Variants in SLC24A2 observed in about 807,000 individuals in gnomAD.
The protein encoded by SLC24A2 is solute carrier family 24 member 2, also known as sodium/potassium/calcium exchanger 2.
SLC24A2 carries 36 observed loss-of-function variants against 62.0 expected under a neutral mutation model. That is an observed-to-expected ratio of 0.58 (90% CI 0.44 to 0.77). The LOEUF (loss-of-function observed/expected upper bound fraction) is 0.77. SLC24A2 is among the 30% of genes least tolerant of loss of function. SLC24A2 has a pLI of 0.00. For synonymous variants in SLC24A2, 358 were observed against 294.0 expected (o/e 1.22, Z -2.23); for missense variants, 846 against 817.9 (o/e 1.03, Z -0.42).
chr9:19,880,220 GA>G, the SLC24A2 span, among the ~76,000 whole-genome samples: 1 of 152,150 alleles, frequency 6.6e-6, no homozygotes, highest in Non-Finnish European at 1.5e-5. Flanking sequence ...TCTTAGCCTG[GA>G]CACAGCATTC....
the SLC24A2 span, among the ~76,000 whole-genome samples, chr9:20,235,043 T>G: frequency 6.6e-6 from 1 of 152,338 alleles, no homozygotes; most frequent in African/African-American, 2.4e-5. Flanking sequence ...GAACAGCAGA[T>G]TTTGGTGAAA....
intron 2 of SLC24A2, among the ~76,000 whole-genome samples, chr9:19,780,330 C>T (rs1023044090): frequency 3.7e-4 from 56 of 150,626 alleles, no homozygotes; most frequent in African/African-American, 1.2e-3. Flanking sequence ...TGCAGTGGCA[C>T]GATCTTGGCT....
chr9:19,748,892 T>G (rs904739887), intron 2 of SLC24A2, among the ~76,000 whole-genome samples: 1 of 151,752 alleles, frequency 6.6e-6, no homozygotes, highest in African/African-American at 2.4e-5. Context: ...GGAAGTTGGT[T>G]TGTGTTAAAT....
At chr9:19,627,244 G>A (rs1413647872) in intron 2 of SLC24A2, among the ~76,000 whole-genome samples, 1 of 152,068 alleles carries the variant, frequency 6.6e-6, no homozygotes, top group Non-Finnish European at 1.5e-5. Flanking sequence ...TAAGAAGTGC[G>A]GTAATGAAAG....
At chr9:19,754,470 T>C (rs147317930) in intron 2 of SLC24A2, among the ~76,000 whole-genome samples, 59 of 152,264 alleles carry the variant, frequency 3.9e-4, no homozygotes, top group African/African-American at 1.3e-3. Flanking sequence ...CCACTTTCCT[T>C]CTAGCATGCC....
At chr9:20,140,286 G>A in the SLC24A2 span, among the ~76,000 whole-genome samples, 2 of 152,208 alleles carry the variant, frequency 1.3e-5, no homozygotes, top group African/African-American at 4.8e-5. Flanking sequence ...TACACAGAGA[G>A]AGTGGAATGC....
chr9:19,997,795 A>G, the SLC24A2 span, among the ~76,000 whole-genome samples: 5 of 152,222 alleles, frequency 3.3e-5, no homozygotes, highest in African/African-American at 4.8e-5. Context: ...TTATTTGCCA[A>G]TGAAACTGTA....
the SLC24A2 span, among the ~76,000 whole-genome samples, chr9:20,000,529 T>A: frequency 6.6e-6 from 1 of 152,130 alleles, no homozygotes; most frequent in Non-Finnish European, 1.5e-5. Context: ...GGGAGAAACA[T>A]CAGAACACAA....
chr9:20,272,354 T>C, the SLC24A2 span, among the ~76,000 whole-genome samples: 4 of 152,184 alleles, frequency 2.6e-5, no homozygotes, highest in African/African-American at 9.7e-5. Flanking sequence ...TTTTAGAGTC[T>C]CATAGTTCGA....
chr9:20,064,757 A>C, the SLC24A2 span, among the ~76,000 whole-genome samples: 1 of 152,362 alleles, frequency 6.6e-6, no homozygotes, highest in Admixed American at 6.5e-5. Flanking sequence ...AGCTGAAAGC[A>C]GAAATCAGGA....
At chr9:20,166,264 T>A in the SLC24A2 span, among the ~76,000 whole-genome samples, 2 of 151,946 alleles carry the variant, frequency 1.3e-5, no homozygotes, top group Non-Finnish European at 2.9e-5. Flanking sequence ...TATAAATCTA[T>A]CTTGAAATTA....
chr9:20,111,318 T>TTGC, the SLC24A2 span, among the ~76,000 whole-genome samples: 1 of 152,310 alleles, frequency 6.6e-6, no homozygotes, highest in Non-Finnish European at 1.5e-5. Flanking sequence ...TGCCCAGGCT[T>TTGC]TGCTGTCAGT....
the SLC24A2 span, among the ~76,000 whole-genome samples, chr9:20,192,527 C>T: frequency 6.6e-6 from 1 of 152,094 alleles, no homozygotes; most frequent in African/African-American, 2.4e-5. Context: ...TTCCTAGAGC[C>T]TAATTCAGTC....
the SLC24A2 span, among the ~76,000 whole-genome samples, chr9:19,838,256 A>G: frequency 2.0e-5 from 3 of 152,262 alleles, no homozygotes; most frequent in South Asian, 2.1e-4. Flanking sequence ...GCCCTCAGAA[A>G]TAATGCCACA....
intron 7 of SLC24A2, among the ~76,000 whole-genome samples, chr9:19,564,359 ACTC>A (rs1835560714): frequency 6.6e-6 from 1 of 152,054 alleles, no homozygotes; most frequent in Admixed American, 6.5e-5. Context: ...GATCTTAAAA[ACTC>A]CACTGAGTTT....
At chr9:20,105,592 A>G in the SLC24A2 span, among the ~76,000 whole-genome samples, 1 of 152,074 alleles carries the variant, frequency 6.6e-6, no homozygotes, top group African/African-American at 2.4e-5. Flanking sequence ...CTGCTCCTGA[A>G]TGACTACTGG....
chr9:19,713,210 A>C (rs1820763448), intron 2 of SLC24A2, among the ~76,000 whole-genome samples: 1 of 152,090 alleles, frequency 6.6e-6, no homozygotes, highest in African/African-American at 2.4e-5. Context: ...GATGCTTTAT[A>C]AATATTTATT....
chr9:20,173,438 A>T, the SLC24A2 span, among the ~76,000 whole-genome samples: 1 of 151,848 alleles, frequency 6.6e-6, no homozygotes, highest in African/African-American at 2.4e-5. Flanking sequence ...AACCCTAAAG[A>T]CTCCTCCAAA....
chr9:19,663,397 G>A (rs1176257596), intron 2 of SLC24A2, among the ~76,000 whole-genome samples: 1 of 152,158 alleles, frequency 6.6e-6, no homozygotes, highest in African/African-American at 2.4e-5. Flanking sequence ...TACAGATCAT[G>A]GGAGAGAGCA....
Sources: gnomAD v4.1 joint callset for allele counts (sites outside exome capture counted in the v4.1 genomes callset) on GRCh38, gnomAD v4.1.1 for gene constraint, MANE v1.5 for transcripts, NCBI Gene and HGNC (gene_info 2026-07-23, HGNC 2026-07-21) for gene names.